RNF152: variants seen among roughly 807,000 people sequenced by gnomAD.
The protein encoded by RNF152 is E3 ubiquitin-protein ligase RNF152.
Under a neutral mutation model 12.7 loss-of-function variants are expected in RNF152, and 11 were observed. That is an observed-to-expected ratio of 0.86 (90% CI 0.54 to 1.43). RNF152 has a LOEUF of 1.43. RNF152 is among the 40% of genes most tolerant of loss of function. The pLI, the probability that RNF152 is intolerant of heterozygous loss-of-function variation, is 0.00. For synonymous variants in RNF152, 113 were observed against 120.3 expected (o/e 0.94, Z 0.40); for missense variants, 255 against 274.8 (o/e 0.93, Z 0.51).
chr18:61,861,697 G>A (rs1030134319), intron 1 of RNF152, among the ~76,000 whole-genome samples: 74 of 152,200 alleles, frequency 4.9e-4, no homozygotes, highest in African/African-American at 1.7e-3. Context: ...GGCATTTGGC[G>A]AGGGCCTCAA....
At chr18:61,852,679 T>C (rs891366600) in intron 1 of RNF152, among the ~76,000 whole-genome samples, 1 of 152,168 alleles carries the variant, frequency 6.6e-6, no homozygotes, top group Admixed American at 6.5e-5. Context: ...AGTGCTGTGG[T>C]TTGGCTTCCT....
At chr18:61,830,665 G>C (rs1245934707) in intron 1 of RNF152, among the ~76,000 whole-genome samples, 1 of 152,178 alleles carries the variant, frequency 6.6e-6, no homozygotes, top group Non-Finnish European at 1.5e-5. Flanking sequence ...GGCAGAGGCT[G>C]AACTAAAGGA....
chr18:61,837,560 A>G (rs1791408682), intron 1 of RNF152, among the ~76,000 whole-genome samples: 1 of 152,160 alleles, frequency 6.6e-6, no homozygotes, highest in Non-Finnish European at 1.5e-5. Flanking sequence ...TACATTTTTC[A>G]AAGTATTTTT....
intron 1 of RNF152, among the ~76,000 whole-genome samples, chr18:61,837,234 T>C (rs1050879326): frequency 7.2e-5 from 11 of 152,052 alleles, no homozygotes; most frequent in African/African-American, 2.7e-4. Context: ...AGCAACGAGA[T>C]TGTTCTAGAT....
At chr18:61,865,524 C>A (rs967347828) in intron 1 of RNF152, among the ~76,000 whole-genome samples, 1 of 152,128 alleles carries the variant, frequency 6.6e-6, no homozygotes, top group Admixed American at 6.5e-5. Flanking sequence ...GCACAAAAAA[C>A]GCAATACTAT....
chr18:61,880,413 C>G (rs1440291663), intron 1 of RNF152, among the ~76,000 whole-genome samples: 1 of 152,192 alleles, frequency 6.6e-6, no homozygotes, highest in Non-Finnish European at 1.5e-5. Context: ...AGGAAGGACT[C>G]AAGCCAGACT....
At chr18:61,886,110 C>A (rs1467458012) in intron 1 of RNF152, among the ~76,000 whole-genome samples, 1 of 150,504 alleles carries the variant, frequency 6.6e-6, no homozygotes, top group Non-Finnish European at 1.5e-5. Context: ...CATTCACCTC[C>A]CAAACATTGG....
chr18:61,811,379 A>T lies in RNF152; in HGVS notation c.*4473T>A, dbSNP rs1045757434. 1.3e-5 allele frequency: 2 copies of T among 152,244 alleles called. No individual in the cohort carries two copies. Among genetic ancestry groups the T allele is most frequent in the Non-Finnish European group, 2.9e-5 (2 of 68,048 alleles). 9.4% of individuals were successfully genotyped at this position (152,244 alleles called of 1,614,324 possible). A position where few individuals can be genotyped will look rare whatever the true frequency, so the allele number is the denominator to read the frequency against. On this transcript the variant is annotated 3_prime_UTR_variant, in exon 2 of 2. Coordinates refer to ENST00000312828, the MANE Select transcript of RNF152 (RefSeq NM_173557.3). ...GCTAAAAAGTAATTATTGTAGCTTT[A>T]GTAAACTTCAAGTCTTTAAATTTCA...
chr18:61,828,629 G>GA (rs56110002), intron 1 of RNF152, among the ~76,000 whole-genome samples: 47,386 of 151,994 alleles, frequency 0.31, 7,608 homozygotes, highest in Non-Finnish European at 0.35. Context: ...TATTGGTTTA[G>GA]AAAAAAATGT....
At position 61,808,385 on chromosome 18, in the gene RNF152, C is replaced by T. The variant is rs1912788453; in HGVS notation, c.*7467G>A. ...CATTTATCTGTAGGGCTATTTGGCC[C>T]TTAAAAAAAAAAAAAAAAAAAAAAA... On this transcript the variant is annotated 3_prime_UTR_variant, in exon 2 of 2. Transcript: ENST00000312828. The T allele has an allele frequency of 1.3e-5, 1 of 79,274 alleles. No homozygotes were observed. The highest frequency in any genetic ancestry group is 5.0e-5 in the African/African-American group (1 of 20,064). 4.9% of individuals were successfully genotyped at this position (79,274 alleles called of 1,614,324 possible). A position where few individuals can be genotyped will look rare whatever the true frequency, so the allele number is the denominator to read the frequency against.
intron 1 of RNF152, among the ~76,000 whole-genome samples, chr18:61,876,432 G>T (rs556956372): frequency 6.6e-6 from 1 of 152,270 alleles, no homozygotes; most frequent in South Asian, 2.1e-4. Context: ...TGACAATGAA[G>T]TTGAGAAAGT....
chr18:61,823,995 C>A (rs1471443723), intron 1 of RNF152, among the ~76,000 whole-genome samples: 1 of 152,178 alleles, frequency 6.6e-6, no homozygotes, highest in Non-Finnish European at 1.5e-5. Context: ...ATTTACCCAG[C>A]CCCAGGTGCA....
At chr18:61,836,259 C>T (rs1910179019) in intron 1 of RNF152, among the ~76,000 whole-genome samples, 1 of 152,016 alleles carries the variant, frequency 6.6e-6, no homozygotes. Context: ...TGTCAAAAGG[C>T]CCCAGGAGCC....
intron 1 of RNF152, among the ~76,000 whole-genome samples, chr18:61,831,971 A>G (rs549412047): frequency 6.6e-6 from 1 of 152,124 alleles, no homozygotes; most frequent in African/African-American, 2.4e-5. Flanking sequence ...CTGTAATCAT[A>G]CTCACACATA....
At chr18:61,864,020 C>A (rs1008008390) in intron 1 of RNF152, among the ~76,000 whole-genome samples, 1 of 152,178 alleles carries the variant, frequency 6.6e-6, no homozygotes, top group Non-Finnish European at 1.5e-5. Flanking sequence ...TCTTTCCTGC[C>A]CCTTACAGCC....
At chr18:61,843,876 G>C (rs1340183139) in intron 1 of RNF152, among the ~76,000 whole-genome samples, 5 of 151,880 alleles carry the variant, frequency 3.3e-5, no homozygotes, top group Non-Finnish European at 5.9e-5. Flanking sequence ...AAGATGGATG[G>C]AAGTTATGGT....
At position 61,887,787 on chromosome 18, in the gene RNF152, C is replaced by T. The variant is rs540164732; in HGVS notation, c.-136+5008G>A. 2.0e-5 allele frequency among the ~76,000 whole-genome samples: 3 copies of T among 151,986 alleles called. No homozygotes were observed. The South Asian group carries it at 6.2e-4, about 32-fold the overall frequency. ...CAAAATCTCTTCAATTCTTGTCAAA[C>T]CTCAGTGAGGAGTGCACCAAGTGTG... On this transcript the variant is annotated intron_variant, in intron 1 of 1. Coordinates refer to ENST00000312828, the MANE Select transcript of RNF152 (RefSeq NM_173557.3).
intron 1 of RNF152, among the ~76,000 whole-genome samples, chr18:61,844,461 A>G (rs1309820648): frequency 6.6e-6 from 1 of 152,258 alleles, no homozygotes; most frequent in Non-Finnish European, 1.5e-5. Context: ...TCACCTTGGC[A>G]AAAGAAAACC....
chr18:61,816,443 G>A lies in RNF152; in HGVS notation c.21C>T (p.Asp7=), dbSNP rs1354505107. The A allele has an allele frequency of 1.2e-6, 2 of 1,605,334 alleles. No individual in the cohort carries two copies. The highest frequency in any genetic ancestry group is 1.7e-6 in the Non-Finnish European group (2 of 1,173,314). Residue 7 remains aspartate (D), a synonymous_variant, in exon 2 of 2, where the codon GAC becomes GAT. Transcript: ENST00000312828. METLSQ[D]SLLECQICFN... ...AACAGATCTGACATTCCAGCAGAGAGTCCTGGGACAGCGTCTCCATGGTGG... is the reference window on the plus strand; with the variant it reads ...AACAGATCTGACATTCCAGCAGAGAATCCTGGGACAGCGTCTCCATGGTGG...
Sources: allele counts gnomAD v4.1 joint callset (sites outside exome capture counted in the v4.1 genomes callset), GRCh38; gene constraint gnomAD v4.1.1; transcripts MANE v1.5; gene names NCBI Gene and HGNC (gene_info 2026-07-23, HGNC 2026-07-21).